TTC27: variants seen among roughly 807,000 people sequenced by gnomAD.
TTC27 encodes the protein tetratricopeptide repeat protein 27.
TTC27 carries 79 observed loss-of-function variants against 115.9 expected under a neutral mutation model. That is an observed-to-expected ratio of 0.68 (90% confidence interval 0.57 to 0.82). TTC27 has a LOEUF of 0.82. Ranked by LOEUF, TTC27 falls within the 40% of genes least tolerant of loss-of-function variation. The pLI, the probability that TTC27 is intolerant of heterozygous loss-of-function variation, is 0.00. For missense variants in TTC27, 1,054 were observed against 993.1 expected (o/e 1.06, Z -0.82); for synonymous variants, 401 against 356.0 (o/e 1.13, Z -1.42).
chr2:32,747,240 C>T (rs1301539192), intron 12 of TTC27, among the ~76,000 whole-genome samples: 1 of 152,122 alleles, frequency 6.6e-6, no homozygotes, highest in Non-Finnish European at 1.5e-5. Context: ...TGAAGATTTT[C>T]CTGATTATGA....
intron 16 of TTC27, among the ~76,000 whole-genome samples, chr2:32,804,338 A>G (rs901057673): frequency 2.0e-5 from 3 of 152,166 alleles, no homozygotes. Context: ...CCATAATTCC[A>G]TTCCTGGAAT....
At chr2:32,803,752 G>A (rs546245284) in intron 16 of TTC27, among the ~76,000 whole-genome samples, 41 of 152,292 alleles carry the variant, frequency 2.7e-4, no homozygotes, top group African/African-American at 9.9e-4. Context: ...GCTCATGCCT[G>A]TAATCCCAGC....
chr2:32,646,053 G>A (rs1351614508), intron 4 of TTC27, among the ~76,000 whole-genome samples: 2 of 146,580 alleles, frequency 1.4e-5, no homozygotes, highest in Non-Finnish European at 3.0e-5. Flanking sequence ...TTTTGAGATG[G>A]AGTCTCGCTC....
At chr2:32,788,808 G>C (rs1326200405) in intron 16 of TTC27, among the ~76,000 whole-genome samples, 2 of 152,178 alleles carry the variant, frequency 1.3e-5, no homozygotes, top group African/African-American at 4.8e-5. Flanking sequence ...CATCCAGTAA[G>C]AGACAGACTT....
At chr2:32,732,522 AT>A (rs1168685666) in intron 10 of TTC27, among the ~76,000 whole-genome samples, 1 of 152,106 alleles carries the variant, frequency 6.6e-6, no homozygotes, top group Non-Finnish European at 1.5e-5. Context: ...CCTGTCTTAG[AT>A]TTTTACCAGG....
rs569254449 is a variant in TTC27 at position 32,695,592 on chromosome 2, G to A, written c.1120-7215G>A. On this transcript the variant is annotated intron_variant, in intron 9 of 19. Coordinates refer to ENST00000317907, the MANE Select transcript of TTC27 (RefSeq NM_017735.5). ...AAAGTAGCCATGCGTGGTGGTGCGT[G>A]CCTGCAGTCCCAGCTACTCGGGAGG... Among the ~76,000 whole-genome samples the A allele has an allele frequency of 1.6e-3, 248 of 151,804 alleles. 1 individual carries two copies. Among genetic ancestry groups the A allele is most frequent in the African/African-American group, 5.7e-3 (236 of 41,366 alleles).
chr2:32,794,840 G>A (rs1670644893), intron 16 of TTC27, among the ~76,000 whole-genome samples: 1 of 151,984 alleles, frequency 6.6e-6, no homozygotes, highest in Non-Finnish European at 1.5e-5. Context: ...TAACCTAGAT[G>A]AAATAGATAA....
Position 32,628,373 on chromosome 2 carries a change from C to T in TTC27, c.81C>T (p.Val27=). 6.2e-7 allele frequency: 1 copy of T among 1,601,176 alleles called. No individual in the cohort carries two copies. Among genetic ancestry groups the T allele is most frequent in the Non-Finnish European group, 8.5e-7 (1 of 1,175,192 alleles). The change falls in exon 1 of 20, where the codon GTC becomes GTT. Residue 27 remains valine, a synonymous_variant. Coordinates refer to ENST00000317907, the MANE Select transcript of TTC27 (RefSeq NM_017735.5). ...AGCAATGGAAACAGGAGGGGGTCGT[C>T]GGTTCAGGTGAGAGGCGCACCTACC... The part of the protein sequence containing the change: ...ERQQWKQEGV[V]GSESGSFLQL...
intron 15 of TTC27, among the ~76,000 whole-genome samples, chr2:32,785,164 G>A (rs373139314): frequency 1.3e-5 from 2 of 152,100 alleles, no homozygotes; most frequent in Non-Finnish European, 2.9e-5. Context: ...GTAGTATTCT[G>A]TTGTCTTCTG....
intron 12 of TTC27, among the ~76,000 whole-genome samples, chr2:32,751,285 C>T (rs1003066846): frequency 1.3e-5 from 2 of 151,510 alleles, no homozygotes; most frequent in Non-Finnish European, 2.9e-5. Context: ...CACACACACA[C>T]ACACACACAC....
intron 4 of TTC27, 75 bp downstream of exon 4, chr2:32,640,485 G>T: frequency 1.4e-6 from 2 of 1,422,076 alleles, no homozygotes; most frequent in Non-Finnish European, 1.9e-6. Flanking sequence ...TAGATGTGTT[G>T]CTGACAATGT....
intron 3 of TTC27, among the ~76,000 whole-genome samples, chr2:32,635,711 G>A (rs979098684): frequency 6.6e-6 from 1 of 151,944 alleles, no homozygotes; most frequent in Non-Finnish European, 1.5e-5. Flanking sequence ...AAAGAATTGG[G>A]TGTAGCAAGT....
chr2:32,629,849 A>G (rs1044887356), intron 1 of TTC27, among the ~76,000 whole-genome samples: 2 of 152,204 alleles, frequency 1.3e-5, no homozygotes, highest in African/African-American at 4.8e-5. Flanking sequence ...TGGACCCAAA[A>G]GAGTAATAAT....
chr2:32,667,449 C>A (rs1438418773), intron 7 of TTC27, among the ~76,000 whole-genome samples: 2 of 143,400 alleles, frequency 1.4e-5, no homozygotes, highest in African/African-American at 5.2e-5. Context: ...TGGAGTCTCA[C>A]TCTATTGCCC....
chr2:32,739,122 A>G (rs888504495), intron 12 of TTC27, among the ~76,000 whole-genome samples: 22 of 152,340 alleles, frequency 1.4e-4, no homozygotes, highest in Admixed American at 1.3e-3. Flanking sequence ...GTCTGACACT[A>G]AAGTAGTACT....
intron 10 of TTC27, among the ~76,000 whole-genome samples, chr2:32,729,658 T>C (rs1193227915): frequency 6.6e-6 from 1 of 152,158 alleles, no homozygotes; most frequent in Non-Finnish European, 1.5e-5. Context: ...ACCTCTGGTA[T>C]ATCCAGCCCC....
intron 7 of TTC27, among the ~76,000 whole-genome samples, chr2:32,669,683 G>A (rs1183557367): frequency 5.3e-5 from 8 of 151,906 alleles, no homozygotes; most frequent in Non-Finnish European, 1.2e-4. Context: ...TCAGGAGTTC[G>A]AGACCAACCT....
At chr2:32,784,235 G>A (rs1670276046) in intron 15 of TTC27, among the ~76,000 whole-genome samples, 1 of 152,106 alleles carries the variant, frequency 6.6e-6, no homozygotes, top group Admixed American at 6.5e-5. Context: ...CTCTCTTAGG[G>A]GTTCTTGCAT....
intron 4 of TTC27, among the ~76,000 whole-genome samples, chr2:32,644,772 T>C (rs1389913218): frequency 6.6e-6 from 1 of 151,848 alleles, no homozygotes; most frequent in Non-Finnish European, 1.5e-5. Context: ...TATTATAGAT[T>C]TTTCCTGTGG....
Sources: gnomAD v4.1 joint callset for allele counts (sites outside exome capture counted in the v4.1 genomes callset) on GRCh38, gnomAD v4.1.1 for gene constraint, MANE v1.5 for transcripts, NCBI Gene and HGNC (gene_info 2026-07-23, HGNC 2026-07-21) for gene names.